Variants in COX10 observed in about 807,000 individuals in gnomAD.
The protein encoded by COX10 is cytochrome c oxidase assembly factor heme A:farnesyltransferase COX10.
A neutral mutation model predicts 37.3 loss-of-function variants in COX10; 27 were observed. The observed-to-expected ratio is 0.72, with a 90% CI of 0.53 to 1.00. The LOEUF (loss-of-function observed/expected upper bound fraction) is 1.00, where lower values mean the gene tolerates loss of function less well. COX10 is among the 50% of genes least tolerant of loss of function. The pLI is 0.00. For synonymous variants in COX10, 222 were observed against 229.1 expected (o/e 0.97, Z 0.28); for missense variants, 475 against 563.2 (o/e 0.84, Z 1.59).
chr17:14,203,314 A>G (rs1567614266), intron 6 of COX10, among the ~76,000 whole-genome samples: 2 of 152,220 alleles, frequency 1.3e-5, no homozygotes, highest in East Asian at 3.9e-4. Flanking sequence ...TGAAATAGGG[A>G]CCCTAAAATC....
intron 3 of COX10, among the ~76,000 whole-genome samples, chr17:14,083,248 T>G (rs1915338741): frequency 6.6e-6 from 1 of 152,242 alleles, no homozygotes; most frequent in Non-Finnish European, 1.5e-5. Context: ...CTTATTCCAT[T>G]TAAAGAAGCA....
At chr17:14,126,058 A>G (rs1472115623) in intron 4 of COX10, among the ~76,000 whole-genome samples, 1 of 152,196 alleles carries the variant, frequency 6.6e-6, no homozygotes, top group Non-Finnish European at 1.5e-5. Flanking sequence ...TGCTTCTAAC[A>G]AAACACTACG....
At chr17:14,205,185 T>A (rs1198840120) in intron 6 of COX10, among the ~76,000 whole-genome samples, 2 of 152,070 alleles carry the variant, frequency 1.3e-5, no homozygotes, top group Non-Finnish European at 2.9e-5. Context: ...TTTAAATATA[T>A]ATAGTTCTGT....
intron 3 of COX10, among the ~76,000 whole-genome samples, chr17:14,094,556 T>G (rs1394597198): frequency 6.6e-6 from 1 of 152,172 alleles, no homozygotes; most frequent in African/African-American, 2.4e-5. Flanking sequence ...AATGTAAGTT[T>G]TGTTTTTATC....
At chr17:14,118,226 A>G (rs1236957938) in intron 4 of COX10, among the ~76,000 whole-genome samples, 1 of 152,042 alleles carries the variant, frequency 6.6e-6, no homozygotes, top group Non-Finnish European at 1.5e-5. Flanking sequence ...GCCTGTCCTC[A>G]TTTAGGTCCA....
At chr17:14,200,792 T>C (rs528795332) in intron 6 of COX10, among the ~76,000 whole-genome samples, 19 of 152,274 alleles carry the variant, frequency 1.2e-4, no homozygotes, top group Non-Finnish European at 2.2e-4. Flanking sequence ...CAGGGTTAGG[T>C]AGGAAAATGG....
At chr17:14,149,719 A>G (rs967190777) in intron 4 of COX10, among the ~76,000 whole-genome samples, 5 of 152,172 alleles carry the variant, frequency 3.3e-5, no homozygotes, top group Admixed American at 2.0e-4. Context: ...AATTTAAGAG[A>G]TGGGAGGAGC....
intron 3 of COX10, among the ~76,000 whole-genome samples, chr17:14,084,134 T>G (rs1176581357): frequency 6.6e-6 from 1 of 152,144 alleles, no homozygotes; most frequent in Non-Finnish European, 1.5e-5. Context: ...ACTTGTATAG[T>G]TTAAGAAGTC....
intron 3 of COX10, among the ~76,000 whole-genome samples, chr17:14,098,353 A>G (rs1278474541): frequency 1.3e-5 from 2 of 152,160 alleles, no homozygotes; most frequent in Non-Finnish European, 2.9e-5. Context: ...GAATTCTGAT[A>G]CAAAAGAGAG....
chr17:14,095,429 A>G (rs111788360), intron 3 of COX10, among the ~76,000 whole-genome samples: 23 of 152,196 alleles, frequency 1.5e-4, no homozygotes, highest in Non-Finnish European at 2.2e-4. Flanking sequence ...CCCTGCAGTA[A>G]CCTTTAAGTG....
At position 14,207,351 on chromosome 17, in the gene COX10, GT is replaced by G. The variant is rs200239586; in HGVS notation, c.*152del. On this transcript the variant is annotated 3_prime_UTR_variant, in exon 7 of 7. Transcript: ENST00000261643. ...TTCGGTGCTCAGTGATCACTTGACAGTTTTTTTTTTTTTTAAATATTACCCA... is the reference window on the plus strand; with the variant it reads ...TTCGGTGCTCAGTGATCACTTGACAGTTTTTTTTTTTTTAAATATTACCCA... The G allele has an allele frequency of 0.087, 75,065 of 864,902 alleles. 331 individuals carry two copies. The highest frequency in any genetic ancestry group is 0.11 in the Middle Eastern group (285 of 2,526). The allele number at this position is 864,902 out of a possible 1,614,324, so 53.6% of individuals were successfully genotyped here. A position where few individuals can be genotyped will look rare whatever the true frequency, so the allele number is the denominator to read the frequency against.
chr17:14,127,598 C>CAAAG (rs1161849376), intron 4 of COX10, among the ~76,000 whole-genome samples: 1 of 151,970 alleles, frequency 6.6e-6, no homozygotes, highest in African/African-American at 2.4e-5. Flanking sequence ...TAGATCAAAG[C>CAAAG]AAAGAATCAA....
intron 4 of COX10, among the ~76,000 whole-genome samples, chr17:14,151,537 A>T (rs1904892109): frequency 3.2e-5 from 1 of 31,056 alleles, no homozygotes; most frequent in African/African-American, 9.3e-5. Flanking sequence ...ACACACACAC[A>T]CACACACACA....
At chr17:14,199,254 G>C (rs917632320) in intron 6 of COX10, among the ~76,000 whole-genome samples, 2 of 152,172 alleles carry the variant, frequency 1.3e-5, no homozygotes, top group South Asian at 2.1e-4. Flanking sequence ...ATGAACGATA[G>C]ATGACGGTGT....
intron 4 of COX10, among the ~76,000 whole-genome samples, chr17:14,140,629 A>G (rs1162285846): frequency 6.6e-6 from 1 of 152,142 alleles, no homozygotes; most frequent in African/African-American, 2.4e-5. Flanking sequence ...TTGAAACACT[A>G]TATTCTTACT....
rs1915799917 is a variant in COX10 at position 14,102,237 on chromosome 17, A to T, written c.619A>T (p.Asn207Tyr). The change falls in exon 4 of 7, where the codon AAT (asparagine) becomes TAT (tyrosine). Residue 207 changes from asparagine to tyrosine, a missense_variant. Asn to Tyr is a moderately radical substitution (Grantham distance 143). Coordinates refer to ENST00000261643, the MANE Select transcript of COX10 (RefSeq NM_001303.4). The stretch of plus-strand genomic sequence containing the variant: ...TGCATCCTGTGCTGCCAACTCCATC[A>T]ATCAGGTCAGTTTCTCACTTTCATC... Reference protein sequence around the residue: ...GLASCAANSINQFFEVPFDSN... With the variant: ...GLASCAANSIYQFFEVPFDSN... 6.2e-7 allele frequency: 1 copy of T among 1,613,458 alleles called. No homozygotes were observed. Among genetic ancestry groups the T allele is most frequent in the Non-Finnish European group, 8.5e-7 (1 of 1,179,686 alleles).
At chr17:14,160,118 C>T (rs1277480710) in intron 5 of COX10, among the ~76,000 whole-genome samples, 171 bp downstream of exon 5, 1 of 152,056 alleles carries the variant, frequency 6.6e-6, no homozygotes, top group African/African-American at 2.4e-5. Context: ...AAGTGTGTTA[C>T]AAAGCACTTA....
chr17:14,159,701 G>T (rs1256038256), intron 4 of COX10, among the ~76,000 whole-genome samples, 176 bp from the exon 5 acceptor site: 1 of 151,960 alleles, frequency 6.6e-6, no homozygotes, highest in Non-Finnish European at 1.5e-5. Context: ...TGTTGTTTTG[G>T]TTTTTTGTTT....
chr17:14,148,997 C>T (rs1476645101), intron 4 of COX10, among the ~76,000 whole-genome samples: 3 of 147,512 alleles, frequency 2.0e-5, no homozygotes, highest in African/African-American at 7.4e-5. Flanking sequence ...TATTGTTAGT[C>T]TATAACATAT....
Sources: allele counts gnomAD v4.1 joint callset (sites outside exome capture counted in the v4.1 genomes callset), GRCh38; gene constraint gnomAD v4.1.1; transcripts MANE v1.5; gene names NCBI Gene and HGNC (gene_info 2026-07-23, HGNC 2026-07-21).